TENM4: variants seen among roughly 807,000 people sequenced by gnomAD.
TENM4 encodes the protein teneurin transmembrane protein 4, also known as teneurin-4.
In TENM4, 82 loss-of-function variants were observed where a neutral mutation model predicts 243.3. The observed-to-expected ratio is 0.34, with a 90% CI of 0.28 to 0.40. The LOEUF (loss-of-function observed/expected upper bound fraction) is 0.40. TENM4 is among the 10% of genes least tolerant of loss of function. The pLI is 1.00. For missense variants in TENM4, 3,138 were observed against 3,673.3 expected (o/e 0.85, Z 3.77); for synonymous variants, 1,412 against 1,456.3 (o/e 0.97, Z 0.69).
At chr11:79,034,211 T>G (rs1859316242) in intron 6 of TENM4, among the ~76,000 whole-genome samples, 1 of 152,236 alleles carries the variant, frequency 6.6e-6, no homozygotes, top group East Asian at 1.9e-4. Flanking sequence ...AAGGCTCAAT[T>G]TCAAAGAAGC....
In TENM4 at chr11:79,199,347, A is replaced by G. The variant is rs929108590; in HGVS notation, c.-163+16461T>C. Among the ~76,000 whole-genome samples, 6 of 152,212 alleles carry G rather than the reference A, an allele frequency of 3.9e-5. No individual in the cohort carries two copies. In the South Asian group the frequency reaches 1.2e-3, roughly 32 times the overall value. On this transcript the variant is annotated intron_variant, in intron 3 of 33. Transcript: ENST00000278550. Reference sequence around the variant, plus strand: ...AGCTGTATAAACATTTGCTGTCGTTACTATTATGTGCTAGGCATTCATTGT... The same window carrying G: ...AGCTGTATAAACATTTGCTGTCGTTGCTATTATGTGCTAGGCATTCATTGT...
intron 4 of TENM4, among the ~76,000 whole-genome samples, chr11:79,090,608 T>A (rs113172770): frequency 2.0e-5 from 3 of 152,242 alleles, no homozygotes; most frequent in African/African-American, 7.2e-5. Context: ...CAAAGTTGTA[T>A]AGTCAGTAAG....
In TENM4 at chr11:78,830,022, T is replaced by C. The variant is rs565827760; in HGVS notation, c.1682-15627A>G. 1.2e-4 allele frequency among the ~76,000 whole-genome samples: 19 copies of C among 152,308 alleles called. No homozygotes were observed. The South Asian group carries it at 3.7e-3, about 30-fold the overall frequency. On this transcript the variant is annotated intron_variant, in intron 12 of 33. Transcript: ENST00000278550. ...CACAGTGAGTCCGTGTGAGATGATG[T>C]TTCTTCCGCCTACACCACAACACAC...
At chr11:79,188,164 T>C (rs970611933) in intron 3 of TENM4, among the ~76,000 whole-genome samples, 2 of 152,190 alleles carry the variant, frequency 1.3e-5, no homozygotes, top group African/African-American at 4.8e-5. Flanking sequence ...ACTTACTTTC[T>C]CCACAGCTGC....
In TENM4 at chr11:78,951,479, C is replaced by T. The variant is rs148189756; in HGVS notation, c.494-47956G>A. The stretch of plus-strand genomic sequence containing the variant: ...CTTATACCAGAGCTCTGGTCTTAGT[C>T]GGCTTAGGCTGCTGTACCAAAATTC... On this transcript the variant is annotated intron_variant, in intron 6 of 33. Transcript: ENST00000278550. Among the ~76,000 whole-genome samples, 233 of 152,310 alleles carry T rather than the reference C, an allele frequency of 1.5e-3. 1 individual carries two copies. Among genetic ancestry groups the T allele is most frequent in the East Asian group, 0.012 (60 of 5,184 alleles).
intron 2 of TENM4, 40 bp downstream of exon 2, chr11:79,297,448 C>T (rs1348386570): frequency 6.6e-6 from 1 of 152,648 alleles, no homozygotes; most frequent in Non-Finnish European, 1.5e-5. Context: ...AGACTAGAAG[C>T]ATATCTTGTT....
intron 4 of TENM4, among the ~76,000 whole-genome samples, chr11:79,129,702 C>T (rs1861960304): frequency 6.6e-6 from 1 of 152,064 alleles, no homozygotes; most frequent in African/African-American, 2.4e-5. Context: ...GGAATCTCAC[C>T]CCCATCCCCT....
At chr11:79,218,633 C>G (rs958637933) in intron 2 of TENM4, among the ~76,000 whole-genome samples, 1 of 152,294 alleles carries the variant, frequency 6.6e-6, no homozygotes, top group Non-Finnish European at 1.5e-5. Context: ...TTTTACTCCT[C>G]TTCTGCCCTC....
chr11:79,069,246 G>T (rs1398181008), intron 5 of TENM4, among the ~76,000 whole-genome samples: 2 of 152,186 alleles, frequency 1.3e-5, no homozygotes, highest in African/African-American at 2.4e-5. Context: ...TTGACACAAA[G>T]AAACTGCTAA....
At chr11:79,348,278 C>T (rs1857362135) in intron 1 of TENM4, among the ~76,000 whole-genome samples, 1 of 152,172 alleles carries the variant, frequency 6.6e-6, no homozygotes, top group Admixed American at 6.5e-5. Context: ...GTGTGCAGTA[C>T]TGCCATGGTG....
intron 1 of TENM4, among the ~76,000 whole-genome samples, chr11:79,408,797 C>T (rs1410399230): frequency 6.6e-6 from 1 of 152,142 alleles, no homozygotes; most frequent in Non-Finnish European, 1.5e-5. Flanking sequence ...CCCATCAAAG[C>T]CAAATGCCAG....
intron 1 of TENM4, among the ~76,000 whole-genome samples, chr11:79,357,448 GA>G (rs1857516297): frequency 6.6e-6 from 1 of 152,180 alleles, no homozygotes; most frequent in African/African-American, 2.4e-5. Context: ...GGAATCGCTT[GA>G]ACCATTCTGA....
chr11:79,115,861 C>A (rs1861608424), intron 4 of TENM4, among the ~76,000 whole-genome samples: 1 of 152,190 alleles, frequency 6.6e-6, no homozygotes. Context: ...CAAGATATGT[C>A]CTTCTATGTA....
chr11:78,997,415 T>G (rs1010307895), intron 6 of TENM4, among the ~76,000 whole-genome samples: 1 of 152,216 alleles, frequency 6.6e-6, no homozygotes, highest in African/African-American at 2.4e-5. Context: ...TACCTTTCTT[T>G]GCTAAACCAT....
intron 3 of TENM4, among the ~76,000 whole-genome samples, chr11:79,162,584 C>G (rs1476631672): frequency 6.6e-6 from 1 of 152,070 alleles, no homozygotes; most frequent in Non-Finnish European, 1.5e-5. Flanking sequence ...ACCGGAATCC[C>G]AAAACTTATT....
At chr11:78,903,207 C>A in intron 7 of TENM4, 61 bp downstream of exon 7, 1 of 1,460,426 alleles carries the variant, frequency 6.8e-7, no homozygotes, top group South Asian at 1.4e-5. Context: ...CAGCCAAAGA[C>A]CTTGGTCCGG....
At chr11:79,023,913 C>T (rs1859002199) in intron 6 of TENM4, among the ~76,000 whole-genome samples, 1 of 152,158 alleles carries the variant, frequency 6.6e-6, no homozygotes, top group Non-Finnish European at 1.5e-5. Flanking sequence ...TACTAAGTGC[C>T]ACTACCAGAT....
intron 1 of TENM4, among the ~76,000 whole-genome samples, chr11:79,322,127 T>G (rs1322981901): frequency 2.6e-5 from 4 of 152,168 alleles, no homozygotes; most frequent in Non-Finnish European, 5.9e-5. Flanking sequence ...TCCATATCCC[T>G]ATGTCTTAGT....
chr11:79,069,642 C>T (rs1395980895), intron 5 of TENM4, 80 bp downstream of exon 5: 5 of 1,462,712 alleles, frequency 3.4e-6, no homozygotes, highest in Non-Finnish European at 4.5e-6. Flanking sequence ...CGCCCACCTG[C>T]GCCACGCCCA....
Sources: gnomAD v4.1 joint callset for allele counts (sites outside exome capture counted in the v4.1 genomes callset) on GRCh38, gnomAD v4.1.1 for gene constraint, MANE v1.5 for transcripts, NCBI Gene and HGNC (gene_info 2026-07-23, HGNC 2026-07-21) for gene names.